The following CHRNA9 variants were observed in gnomAD, a reference collection of about 807,000 sequenced individuals.
CHRNA9 encodes neuronal acetylcholine receptor subunit alpha-9.
A neutral mutation model predicts 36.8 loss-of-function variants in CHRNA9; 24 were observed. The ratio of observed to expected loss-of-function variants is 0.65; its 90% CI spans 0.47 to 0.92. The LOEUF (loss-of-function observed/expected upper bound fraction) is 0.92, where lower values mean the gene tolerates loss of function less well. Ranked by LOEUF, CHRNA9 falls within the 40% of genes least tolerant of loss-of-function variation. The pLI is 0.00. For missense variants in CHRNA9, 610 were observed against 601.2 expected (o/e 1.01, Z -0.15); for synonymous variants, 231 against 231.8 (o/e 1.00, Z 0.03).
At chr4:40,343,334 T>TG (rs761702926) in intron 3 of CHRNA9, among the ~76,000 whole-genome samples, 1 of 152,174 alleles carries the variant, frequency 6.6e-6, no homozygotes, top group Non-Finnish European at 1.5e-5. Context: ...TTCACATGGC[T>TG]GGGGAGGCCT....
At chr4:40,345,395 A>T (rs1219004524) in intron 3 of CHRNA9, among the ~76,000 whole-genome samples, 2 of 152,120 alleles carry the variant, frequency 1.3e-5, no homozygotes, top group Admixed American at 6.6e-5. Context: ...CTACAAAAAA[A>T]ATATATTTTT....
Position 40,345,574 on chromosome 4 carries a change from T to C in CHRNA9, c.366-3308T>C, listed in dbSNP as rs146435385. Among the ~76,000 whole-genome samples the C allele has an allele frequency of 7.1e-3, 1,085 of 151,912 alleles. 12 individuals carry two copies. The highest frequency in any genetic ancestry group is 0.025 in the African/African-American group (1,038 of 41,378). On this transcript the variant is annotated intron_variant, in intron 3 of 4. Transcript: ENST00000310169. ...TAAAAATACAAAAATTAGTTGGGCG[T>C]GGTGGTGCGTGCCTATAATTCCAGC...
intron 3 of CHRNA9, chr4:40,348,025 C>G (rs1712682181): frequency 6.6e-6 from 1 of 152,200 alleles, no homozygotes; most frequent in Non-Finnish European, 1.5e-5. Context: ...TTGGAAAGGA[C>G]AGAACCAAGG....
rs750844558 is a variant in CHRNA9 at position 40,349,408 on chromosome 4, CT to C, written c.893del (p.Leu298ArgfsTer2). 4 of 1,611,878 alleles carry C rather than the reference CT, an allele frequency of 2.5e-6. No individual in the cohort carries two copies. Among genetic ancestry groups the C allele is most frequent in the East Asian group, 4.5e-5 (2 of 44,860 alleles). ...EIMPASENVP[L>X]IGKYYIATMA... is the part of the protein sequence containing the mutation. ...CATGCCGGCCTCAGAAAATGTGCCC[CT>C]GATAGGTGAGTCCAAGTGTCTTCCA... On this transcript the variant is annotated frameshift_variant, in exon 4 of 5. Transcript: ENST00000310169. LOFTEE classifies it low-confidence loss of function (END_TRUNC).
intron 4 of CHRNA9, among the ~76,000 whole-genome samples, chr4:40,351,374 C>A (rs1712801885): frequency 6.6e-6 from 1 of 151,514 alleles, no homozygotes; most frequent in Non-Finnish European, 1.5e-5. Flanking sequence ...TAGGGTCTCA[C>A]TATGTTGGCT....
chr4:40,349,136 G>C lies in CHRNA9; in HGVS notation c.620G>C (p.Gly207Ala), dbSNP rs1241726079. Residue 207 changes from glycine (G) to alanine (A), a missense_variant, in exon 4 of 5, where the codon GGC becomes GCC. Coordinates refer to ENST00000310169, the MANE Select transcript of CHRNA9 (RefSeq NM_017581.4). ...FIEDVEWEVH[G>A]MPAVKNVISY... ...GAAGATGTGGAATGGGAGGTCCATG[G>C]CATGCCCGCTGTGAAGAATGTGATC... The C allele has an allele frequency of 6.2e-7, 1 of 1,614,172 alleles. No homozygotes were observed. The highest frequency in any genetic ancestry group is 8.5e-7 in the Non-Finnish European group (1 of 1,180,026).
intron 3 of CHRNA9, 80 bp downstream of exon 3, chr4:40,337,444 G>A: frequency 6.8e-7 from 1 of 1,468,330 alleles, no homozygotes; most frequent in Non-Finnish European, 9.3e-7. Context: ...AAAAAGGAAT[G>A]TTTAAAACAT....
intron 3 of CHRNA9, among the ~76,000 whole-genome samples, chr4:40,338,703 T>TC (rs140260582): frequency 0.14 from 21,461 of 152,082 alleles, 1,546 homozygotes; most frequent in African/African-American, 0.16. Flanking sequence ...ATAGCCCTGT[T>TC]TTTCTGTCCA....
At chr4:40,345,782 T>C (rs927483356) in intron 3 of CHRNA9, among the ~76,000 whole-genome samples, 1 of 152,052 alleles carries the variant, frequency 6.6e-6, no homozygotes, top group African/African-American at 2.4e-5. Context: ...CCCAGCACTC[T>C]GGGAGGCTGA....
At chr4:40,336,776 G>A (rs1277362274) in intron 2 of CHRNA9, among the ~76,000 whole-genome samples, 1 of 152,070 alleles carries the variant, frequency 6.6e-6, no homozygotes, top group Non-Finnish European at 1.5e-5. Context: ...CACCGCGCCC[G>A]GCCAATCTCA....
At chr4:40,352,158 C>T (rs1300031209) in intron 4 of CHRNA9, among the ~76,000 whole-genome samples, 2 of 152,178 alleles carry the variant, frequency 1.3e-5, no homozygotes, top group African/African-American at 2.4e-5. Context: ...TTTATTCTTG[C>T]ACTAATTTTG....
At chr4:40,350,701 C>CACACACACAA (rs1712775478) in intron 4 of CHRNA9, among the ~76,000 whole-genome samples, 1 of 150,372 alleles carries the variant, frequency 6.7e-6, no homozygotes, top group African/African-American at 2.5e-5. Context: ...AATACACACA[C>CACACACACAA]ACACACACAC....
At position 40,354,444 on chromosome 4, in the gene CHRNA9, T is replaced by C; in HGVS notation, c.1364T>C (p.Ile455Thr). ...GAATGGAAGAAGGTGGCGAAAGTCA[T>C]AGACCGATTCTTCATGTGGATTTTT... is the stretch of plus-strand genomic sequence containing the variant. ...GSEWKKVAKV[I>T]DRFFMWIFFI... The change falls in exon 5 of 5, where the codon ATA (isoleucine) becomes ACA (threonine). Residue 455 changes from isoleucine to threonine, a missense_variant. Transcript: ENST00000310169. 6.2e-7 allele frequency: 1 copy of C among 1,614,176 alleles called. No individual in the cohort carries two copies.
intron 3 of CHRNA9, among the ~76,000 whole-genome samples, chr4:40,346,989 T>C (rs1712654473): frequency 6.6e-6 from 1 of 152,088 alleles, no homozygotes; most frequent in African/African-American, 2.4e-5. Flanking sequence ...TTTTGTATTT[T>C]TTTAGTAGAG....
Position 40,335,874 on chromosome 4 carries a change from CT to C in CHRNA9, c.117del (p.Phe39LeufsTer18), listed in dbSNP as rs1162213951. On this transcript the variant is annotated frameshift_variant, in exon 2 of 5. Coordinates refer to ENST00000310169, the MANE Select transcript of CHRNA9 (RefSeq NM_017581.4). LOFTEE classifies it high-confidence loss of function. ...GKYAQKLFND[L>X]FEDYSNALRP... ...ATATGCTCAGAAGTTGTTTAATGAC[CT>C]TTTTGAAGATTATTCTAATGCTCTT... The C allele has an allele frequency of 6.2e-7, 1 of 1,612,704 alleles. No individual in the cohort carries two copies. Among genetic ancestry groups the C allele is most frequent in the African/African-American group, 1.3e-5 (1 of 74,898 alleles).
intron 2 of CHRNA9, 114 bp downstream of exon 2, chr4:40,336,086 C>A: frequency 2.3e-6 from 2 of 866,538 alleles, no homozygotes; most frequent in Non-Finnish European, 3.6e-6. Context: ...GCTCCTTAAG[C>A]AAGCTGGTGG....
At chr4:40,349,460 G>C in intron 4 of CHRNA9, 46 bp downstream of exon 4, 1 of 1,557,384 alleles carries the variant, frequency 6.4e-7, no homozygotes, top group Non-Finnish European at 8.7e-7. Flanking sequence ...TGTAGTGCCT[G>C]GGGTCATGCC....
At chr4:40,347,243 GT>G (rs961700871) in intron 3 of CHRNA9, among the ~76,000 whole-genome samples, 1 of 152,114 alleles carries the variant, frequency 6.6e-6, no homozygotes, top group Non-Finnish European at 1.5e-5. Flanking sequence ...CCAATATGTA[GT>G]TTTTTTATCC....
chr4:40,350,691 A>G (rs906488951), intron 4 of CHRNA9, among the ~76,000 whole-genome samples: 25 of 17,652 alleles, frequency 1.4e-3, no homozygotes, highest in African/African-American at 4.5e-3. Flanking sequence ...CTCTTTGCAA[A>G]ATACACACAC....
Sources: allele counts gnomAD v4.1 joint callset (sites outside exome capture counted in the v4.1 genomes callset), GRCh38; gene constraint gnomAD v4.1.1; transcripts MANE v1.5; gene names NCBI Gene and HGNC (gene_info 2026-07-23, HGNC 2026-07-21).